The following CD160 variants were observed in gnomAD, a reference collection of about 807,000 sequenced individuals.
The protein encoded by CD160 is CD160 molecule, also known as CD160 antigen.
A neutral mutation model predicts 19.2 loss-of-function variants in CD160; 11 were observed. The observed-to-expected ratio is 0.57, with a 90% CI of 0.36 to 0.95. The LOEUF (loss-of-function observed/expected upper bound fraction) is 0.95, where lower values mean the gene tolerates loss of function less well. CD160 is among the 40% of genes least tolerant of loss of function. The probability of loss-of-function intolerance (pLI) is 0.01; values close to 1 mark genes in which losing one functional copy is unlikely to be tolerated. For synonymous variants in CD160, 75 were observed against 81.1 expected (o/e 0.93, Z 0.40); for missense variants, 182 against 213.2 (o/e 0.85, Z 0.91).
chr1:145,733,572 CTTG>C (rs769322697), intron 4 of CD160, among the ~76,000 whole-genome samples: 7 of 152,296 alleles, frequency 4.6e-5, no homozygotes, highest in South Asian at 4.1e-4. Flanking sequence ...AAATTTTCAA[CTTG>C]TTTAGTTTGA....
intron 3 of CD160, among the ~76,000 whole-genome samples, chr1:145,730,369 G>A (rs919563458): frequency 9.9e-5 from 15 of 151,894 alleles, no homozygotes; most frequent in African/African-American, 3.4e-4. Context: ...ATGGTTAGGG[G>A]AAAAAAAAGT....
At chr1:145,729,456 G>A (rs149959001) in intron 3 of CD160, among the ~76,000 whole-genome samples, 44 of 152,272 alleles carry the variant, frequency 2.9e-4, no homozygotes, top group African/African-American at 6.3e-4. Flanking sequence ...GGGGTTTTGC[G>A]AGGATCCATC....
intron 2 of CD160, 33 bp from the exon 3 acceptor site, chr1:145,728,223 G>A (rs1657129021): frequency 5.2e-6 from 4 of 766,218 alleles, no homozygotes; most frequent in African/African-American, 3.4e-5. Flanking sequence ...AACCCTGGAA[G>A]GCTTTGTCTA....
chr1:145,736,157 C>T (rs1350320762), intron 5 of CD160, 23 bp downstream of exon 5: 9 of 1,613,840 alleles, frequency 5.6e-6, no homozygotes, highest in Admixed American at 1.7e-5. Flanking sequence ...GAGCCGTAAG[C>T]ACCCCAAGCA....
intron 1 of CD160, among the ~76,000 whole-genome samples, chr1:145,721,518 G>A (rs587641984): frequency 2.6e-5 from 4 of 152,184 alleles, no homozygotes; most frequent in African/African-American, 9.6e-5. Context: ...TCGGCCCTAG[G>A]CACCGCGAAG....
rs1293244655 is a variant in CD160 at position 145,735,615 on chromosome 1, C to CA, written c.401-374dup. Among the ~76,000 whole-genome samples the CA allele has an allele frequency of 3.7e-4, 56 of 151,668 alleles. 1 individual carries two copies. Among genetic ancestry groups the CA allele is most frequent in the Admixed American group, 1.9e-3 (29 of 15,194 alleles). The stretch of plus-strand genomic sequence containing the variant: ...AACAAAAACAAAACAAACAAACAAA[C>CA]AAAAAAAACCCAGATCTATTCCAAA... On this transcript the variant is annotated intron_variant, in intron 4 of 5. Transcript: ENST00000369288.
At chr1:145,729,225 C>T (rs1342608545) in intron 3 of CD160, among the ~76,000 whole-genome samples, 1 of 152,168 alleles carries the variant, frequency 6.6e-6, no homozygotes, top group Non-Finnish European at 1.5e-5. Context: ...ATCTCTTACT[C>T]TTGTAGGAGA....
At position 145,729,161 on chromosome 1, in the gene CD160, A is replaced by T. The variant is rs1461084743; in HGVS notation, c.73+761A>T. Among the ~76,000 whole-genome samples, 4 of 152,306 alleles carry T rather than the reference A, an allele frequency of 2.6e-5. No homozygotes were observed. The East Asian group carries it at 7.7e-4, about 29-fold the overall frequency. ...ATAAAATATAAACCATTTTGGAGTGAATCAATGGCTGGGATTGCAGGTCTC... is the reference window on the plus strand; with the variant it reads ...ATAAAATATAAACCATTTTGGAGTGTATCAATGGCTGGGATTGCAGGTCTC... On this transcript the variant is annotated intron_variant, in intron 3 of 5. Transcript: ENST00000369288.
chr1:145,728,417 G>A lies in CD160; in HGVS notation c.73+17G>A, dbSNP rs781935223. 6 of 1,560,842 alleles carry A rather than the reference G, an allele frequency of 3.8e-6. No homozygotes were observed. The highest frequency in any genetic ancestry group is 1.7e-4 in the Middle Eastern group (1 of 5,968). On this transcript the variant is annotated intron_variant, in intron 3 of 5. Transcript: ENST00000369288. ...AGTCTGGTGGTGAGGATAGACCCTA[G>A]AGCAGAGACGGCCATGGGGAGGATC...
rs1445341463 is a variant in CD160, at chr1:145,727,262, C to T, written c.-72-994C>T. ...CTAATGCTATATCATGAACATCCCTCCAGGCCCATATTTATAGAAGTATCT... is the reference window on the plus strand; with the variant it reads ...CTAATGCTATATCATGAACATCCCTTCAGGCCCATATTTATAGAAGTATCT... On this transcript the variant is annotated intron_variant, in intron 2 of 5. Coordinates refer to ENST00000369288, the MANE Select transcript of CD160 (RefSeq NM_007053.4). Among the ~76,000 whole-genome samples the T allele has an allele frequency of 4.6e-5, 7 of 152,038 alleles. No homozygotes were observed. In the East Asian group the frequency reaches 1.3e-3, roughly 29 times the overall value.
At chr1:145,726,837 A>T (rs1476038420) in intron 2 of CD160, among the ~76,000 whole-genome samples, 1 of 152,228 alleles carries the variant, frequency 6.6e-6, no homozygotes, top group Non-Finnish European at 1.5e-5. Flanking sequence ...TTATGAAGAA[A>T]ACTTCTATAC....
chr1:145,736,048 T>A lies in CD160; in HGVS notation c.452T>A (p.Phe151Tyr), dbSNP rs879994994. ...TGLKQRQHLE[F>Y]SHNEGTLSSG... ...TTGAAACAAAGACAACACCTTGAGTTCAGCCATAATGAAGGCACTCTCAGT... is the reference window on the plus strand; with the variant it reads ...TTGAAACAAAGACAACACCTTGAGTACAGCCATAATGAAGGCACTCTCAGT... The change falls in exon 5 of 6, where the codon TTC becomes TAC. Residue 151 changes from phenylalanine to tyrosine, a missense_variant. Phe to Tyr is a conservative substitution (Grantham distance 22). Transcript: ENST00000369288. The A allele has an allele frequency of 1.1e-5, 18 of 1,613,898 alleles. No homozygotes were observed. The Admixed American group carries it at 1.5e-4, about 13-fold the overall frequency.
rs782202587 is a variant in CD160, at chr1:145,730,839, G to T, written c.169G>T (p.Val57Leu). Residue 57 changes from valine to leucine, a missense_variant, in exon 4 of 6, where the codon GTA becomes TTA. Val to Leu is a conservative substitution (Grantham distance 32). Coordinates refer to ENST00000369288, the MANE Select transcript of CD160 (RefSeq NM_007053.4). ...WHKKEEAEGFVVFLCKDRSGD... is the reference protein window; with the variant it reads ...WHKKEEAEGFLVFLCKDRSGD... ...TAAGAAAGAAGAGGCTGAGGGGTTT[G>T]TAGTGTTTTTGTGCAAGGACAGGTC... 1 of 1,614,160 alleles carries T rather than the reference G, an allele frequency of 6.2e-7. No individual in the cohort carries two copies. Among genetic ancestry groups the T allele is most frequent in the Non-Finnish European group, 8.5e-7 (1 of 1,179,994 alleles).
At chr1:145,719,921 C>T (rs782157198) in intron 1 of CD160, among the ~76,000 whole-genome samples, 12 of 152,168 alleles carry the variant, frequency 7.9e-5, no homozygotes, top group Admixed American at 2.6e-4. Flanking sequence ...GAGGCACCTC[C>T]GGGGGAAGTT....
intron 4 of CD160, among the ~76,000 whole-genome samples, chr1:145,735,165 C>G (rs940600590): frequency 1.7e-4 from 26 of 152,140 alleles, no homozygotes; most frequent in African/African-American, 5.8e-4. Flanking sequence ...TGAGTGCTTA[C>G]TGTGGGCCAG....
At chr1:145,730,213 G>A (rs895283199) in intron 3 of CD160, among the ~76,000 whole-genome samples, 11 of 152,108 alleles carry the variant, frequency 7.2e-5, no homozygotes, top group Admixed American at 1.3e-4. Context: ...TTAGCTATTC[G>A]GAAGGCGGAA....
At chr1:145,723,426 T>C (rs1553708037) in intron 1 of CD160, among the ~76,000 whole-genome samples, 1 of 152,364 alleles carries the variant, frequency 6.6e-6, no homozygotes, top group Admixed American at 6.5e-5. Flanking sequence ...GGAAAATTTT[T>C]AATCTTATGT....
In CD160 at chr1:145,728,309, CCTG is replaced by C; in HGVS notation, c.-15_-13del. 2.5e-6 allele frequency: 4 copies of C among 1,602,306 alleles called. No individual in the cohort carries two copies. The highest frequency in any genetic ancestry group is 3.4e-6 in the Non-Finnish European group (4 of 1,171,292). On this transcript the variant is annotated 5_prime_UTR_variant, in exon 3 of 6. Transcript: ENST00000369288. ...CCAACATTTGCTTCAAGTTCCTGGG[CCTG>C]CTGACAGCGTGCAGGATGCTGTTGG...
At chr1:145,734,149 T>G (rs904531774) in intron 4 of CD160, among the ~76,000 whole-genome samples, 1 of 152,172 alleles carries the variant, frequency 6.6e-6, no homozygotes, top group East Asian at 1.9e-4. Flanking sequence ...TGTTATTCCT[T>G]TCCTTCCAAA....
Sources: gnomAD v4.1 joint callset for allele counts (sites outside exome capture counted in the v4.1 genomes callset) on GRCh38, gnomAD v4.1.1 for gene constraint, MANE v1.5 for transcripts, NCBI Gene and HGNC (gene_info 2026-07-23, HGNC 2026-07-21) for gene names.